PXDNL: variants seen among roughly 807,000 people sequenced by gnomAD.
PXDNL encodes probable oxidoreductase PXDNL.
In PXDNL, 145 loss-of-function variants were observed where a neutral mutation model predicts 150.8. The observed-to-expected ratio is 0.96, with a 90% CI of 0.84 to 1.10. The LOEUF (loss-of-function observed/expected upper bound fraction) is 1.10. PXDNL is among the 50% of genes least tolerant of loss of function. PXDNL has a pLI of 0.00. For missense variants in PXDNL, 2,087 were observed against 1,873.9 expected (o/e 1.11, Z -2.10); for synonymous variants, 757 against 725.7 (o/e 1.04, Z -0.69).
chr8:51,356,357 C>T (rs2915474), intron 19 of PXDNL, among the ~76,000 whole-genome samples: 111,357 of 151,864 alleles, frequency 0.73, 41,364 homozygotes, highest in East Asian at 0.94. Flanking sequence ...GGTGTGGTGG[C>T]GGGTGCCTGT....
chr8:51,419,074 A>C (rs1465496238), intron 14 of PXDNL, among the ~76,000 whole-genome samples: 1 of 152,172 alleles, frequency 6.6e-6, no homozygotes, highest in African/African-American at 2.4e-5. Context: ...GGGAAAGACC[A>C]GGGGTTCAGA....
chr8:51,638,361 C>A (rs1448457736), intron 2 of PXDNL, among the ~76,000 whole-genome samples: 51 of 152,048 alleles, frequency 3.4e-4, no homozygotes, highest in African/African-American at 8.0e-4. Flanking sequence ...TATTAACCTT[C>A]AATGTAAATG....
intron 1 of PXDNL, among the ~76,000 whole-genome samples, chr8:51,668,197 A>C (rs1815429373): frequency 7.0e-4 from 1 of 1,438 alleles, no homozygotes; most frequent in Non-Finnish European, 1.2e-3. Context: ...TTTTTTTGAG[A>C]CAGAGTCTCA....
intron 17 of PXDNL, among the ~76,000 whole-genome samples, chr8:51,389,829 G>C (rs1807836891): frequency 6.6e-6 from 1 of 152,142 alleles, no homozygotes; most frequent in Admixed American, 6.5e-5. Flanking sequence ...CAAACTGCCA[G>C]TGAAAAGAGG....
At chr8:51,494,183 C>A (rs1273395605) in intron 5 of PXDNL, among the ~76,000 whole-genome samples, 3 of 152,164 alleles carry the variant, frequency 2.0e-5, no homozygotes, top group Admixed American at 6.5e-5. Context: ...CCAAACTAAG[C>A]TTCATAACTG....
intron 17 of PXDNL, 49 bp downstream of exon 17, chr8:51,408,018 T>TCCACAATCAGTGGGTCACGCGGG: frequency 6.7e-7 from 1 of 1,498,424 alleles, no homozygotes; most frequent in South Asian, 1.4e-5. Context: ...TTTAACACTT[T>TCCACAATCAGTGGGTCACGCGGG]TACCTCTCCT....
At chr8:51,587,570 G>A (rs1813351528) in intron 3 of PXDNL, among the ~76,000 whole-genome samples, 4 of 152,044 alleles carry the variant, frequency 2.6e-5, no homozygotes, top group Admixed American at 2.6e-4. Flanking sequence ...GCAATTCTGT[G>A]GTATAGTCAA....
chr8:51,793,882 C>T (rs2037537046), intron 1 of PXDNL, among the ~76,000 whole-genome samples: 1 of 151,832 alleles, frequency 6.6e-6, no homozygotes, highest in Non-Finnish European at 1.5e-5. Context: ...CAGAGCAAGA[C>T]TCTGTCAACA....
intron 2 of PXDNL, among the ~76,000 whole-genome samples, chr8:51,606,477 T>C (rs1813839307): frequency 6.6e-6 from 1 of 152,194 alleles, no homozygotes; most frequent in African/African-American, 2.4e-5. Context: ...TTTAGGTATA[T>C]GCATTTGCCA....
At chr8:51,454,343 C>A (rs141808540) in intron 9 of PXDNL, among the ~76,000 whole-genome samples, 7 of 152,272 alleles carry the variant, frequency 4.6e-5, no homozygotes, top group African/African-American at 1.7e-4. Context: ...GGTAATGTGG[C>A]AGCTCTGTGA....
intron 15 of PXDNL, among the ~76,000 whole-genome samples, chr8:51,412,085 T>C (rs906726326): frequency 6.6e-6 from 1 of 152,212 alleles, no homozygotes; most frequent in African/African-American, 2.4e-5. Context: ...TAGCAGTTTA[T>C]GCACATTTGT....
chr8:51,425,715 G>C (rs905326836), intron 13 of PXDNL, among the ~76,000 whole-genome samples: 5 of 151,854 alleles, frequency 3.3e-5, no homozygotes, highest in Non-Finnish European at 7.4e-5. Flanking sequence ...CAGCTACTCG[G>C]AGAGGCTGAG....
intron 11 of PXDNL, 60 bp downstream of exon 11, chr8:51,448,942 T>TA (rs1809743543): frequency 1.2e-6 from 1 of 825,154 alleles, no homozygotes. Flanking sequence ...TATTTTTTTT[T>TA]ACTATCCACA....
chr8:51,733,748 C>T (rs954787973), intron 1 of PXDNL, among the ~76,000 whole-genome samples: 3 of 150,340 alleles, frequency 2.0e-5, no homozygotes, highest in Non-Finnish European at 4.4e-5. Context: ...GTGGAGGTTA[C>T]GGTGAGCCAA....
intron 14 of PXDNL, among the ~76,000 whole-genome samples, chr8:51,421,664 A>G (rs1429819755): frequency 6.6e-6 from 1 of 152,160 alleles, no homozygotes; most frequent in Non-Finnish European, 1.5e-5. Flanking sequence ...GTGCCCCTGC[A>G]CTCCAGCCTG....
intron 1 of PXDNL, among the ~76,000 whole-genome samples, chr8:51,777,141 T>C (rs1433956039): frequency 1.3e-5 from 2 of 152,224 alleles, no homozygotes; most frequent in Non-Finnish European, 2.9e-5. Context: ...AAATGGGTGA[T>C]AGTCTCTAAA....
At chr8:51,544,364 T>A (rs1319192661) in intron 4 of PXDNL, among the ~76,000 whole-genome samples, 1 of 152,138 alleles carries the variant, frequency 6.6e-6, no homozygotes, top group Non-Finnish European at 1.5e-5. Context: ...AATTCGATGA[T>A]TATAATTCTT....
intron 14 of PXDNL, among the ~76,000 whole-genome samples, chr8:51,421,905 G>A (rs1010245203): frequency 6.6e-6 from 1 of 152,114 alleles, no homozygotes; most frequent in Non-Finnish European, 1.5e-5. Context: ...ACTGAGGTTC[G>A]AAGATCCTAT....
intron 12 of PXDNL, among the ~76,000 whole-genome samples, chr8:51,430,145 C>T (rs1809216226): frequency 6.6e-6 from 1 of 152,186 alleles, no homozygotes; most frequent in Admixed American, 6.5e-5. Flanking sequence ...CAAGCTGTGC[C>T]ATCACTTATA....
Sources: allele counts gnomAD v4.1 joint callset (sites outside exome capture counted in the v4.1 genomes callset), GRCh38; gene constraint gnomAD v4.1.1; transcripts MANE v1.5; gene names NCBI Gene and HGNC (gene_info 2026-07-23, HGNC 2026-07-21).